BSND: variants seen among roughly 807,000 people sequenced by gnomAD.
BSND encodes barttin.
BSND carries 13 observed loss-of-function variants against 18.8 expected under a neutral mutation model. The ratio of observed to expected loss-of-function variants is 0.69; its 90% CI spans 0.45 to 1.10. The LOEUF (loss-of-function observed/expected upper bound fraction) is 1.10. Among genes scored for constraint, BSND ranks in the 50% least tolerant of loss-of-function variants. The pLI is 0.00. For synonymous variants in BSND, 170 were observed against 161.8 expected, an observed-to-expected ratio of 1.05 and a Z score of -0.39; for missense variants, 379 against 416.7, an observed-to-expected ratio of 0.91 and a Z score of 0.79.
At chr1:55,003,076 C>CAAT (rs1644369753) in intron 1 of BSND, among the ~76,000 whole-genome samples, 3 of 636 alleles carry the variant, frequency 4.7e-3, no homozygotes, top group African/African-American at 0.014. Flanking sequence ...ATGATGGTGA[C>CAAT]GGTGATGATG....
intron 1 of BSND, among the ~76,000 whole-genome samples, chr1:55,003,408 A>T (rs1198532461): frequency 2.0e-5 from 3 of 151,752 alleles, no homozygotes; most frequent in East Asian, 1.9e-4. Context: ...TAATTTTTTT[A>T]TTTTTTTTGT....
chr1:55,000,531 T>C (rs1039499366), intron 1 of BSND, among the ~76,000 whole-genome samples: 2 of 152,178 alleles, frequency 1.3e-5, no homozygotes, highest in African/African-American at 2.4e-5. Context: ...CAGGCAGTCC[T>C]CAGCAACCCC....
chr1:55,003,737 T>A (rs1022585523), intron 1 of BSND, among the ~76,000 whole-genome samples: 9 of 152,258 alleles, frequency 5.9e-5, no homozygotes, highest in Non-Finnish European at 1.3e-4. Flanking sequence ...AGTTATGATT[T>A]ACTGAGTAGT....
rs999226776 is a variant in BSND at position 55,014,307 on chromosome 1, A to G, written c.*5679A>G. Among the ~76,000 whole-genome samples the G allele has an allele frequency of 6.6e-6, 1 of 152,216 alleles. No homozygotes were observed. The highest frequency in any genetic ancestry group is 2.4e-5 in the African/African-American group (1 of 41,442). On this transcript the variant is annotated 3_prime_UTR_variant, in exon 4 of 4. Coordinates refer to ENST00000651561, the MANE Select transcript of BSND (RefSeq NM_057176.3). ...TGGAGTAAACAGCGCTGGGTTTGAG[A>G]CTAGGCTTCCCTACTGGCCAGCTCT...
intron 1 of BSND, 79 bp from the exon 2 acceptor site, chr1:55,004,943 G>A: frequency 7.4e-7 from 1 of 1,342,820 alleles, no homozygotes; most frequent in Non-Finnish European, 1.1e-6. Context: ...CTCATGGAGA[G>A]GTTTGCCAAT....
rs1462045590 is a variant in BSND, at chr1:55,013,738, A to G, written c.*5110A>G. The stretch of plus-strand genomic sequence containing the variant: ...CATCTTCCATGACTGCCTATTGCCC[A>G]CAAGATAAAATTCAGATTCCTCAGG... On this transcript the variant is annotated 3_prime_UTR_variant, in exon 4 of 4. Transcript: ENST00000651561. Among the ~76,000 whole-genome samples the G allele has an allele frequency of 6.6e-6, 1 of 152,140 alleles. No homozygotes were observed. The highest frequency in any genetic ancestry group is 1.5e-5 in the Non-Finnish European group (1 of 68,012).
Position 54,999,293 on chromosome 1 carries a change from C to A in BSND, c.107C>A (p.Thr36Asn), listed in dbSNP as rs777656311. 2 of 1,613,978 alleles carry A rather than the reference C, an allele frequency of 1.2e-6. No individual in the cohort carries two copies. The highest frequency in any genetic ancestry group is 1.3e-5 in the African/African-American group (1 of 74,888). Residue 36 changes from threonine to asparagine, a missense_variant, in exon 1 of 4, where the codon ACC (threonine) becomes AAC (asparagine). Transcript: ENST00000651561. Reference protein sequence around the residue: ...MSHDRPQVYGTFYAMGSVMVI... With the variant: ...MSHDRPQVYGNFYAMGSVMVI... The stretch of plus-strand genomic sequence containing the variant: ...CATGATCGGCCCCAGGTCTACGGCA[C>A]CTTCTATGCCATGGGCAGCGTCATG...
chr1:55,011,654 A>G lies in BSND; in HGVS notation c.*3026A>G, dbSNP rs2495510. On this transcript the variant is annotated 3_prime_UTR_variant, in exon 4 of 4. Transcript: ENST00000651561. ...TGTTACTGGATTTGGGCCAGTGCTC[A>G]GTGGCTTGGCGAGGGTTTAAGAAGC... The G allele has an allele frequency of 0.32, 48,561 of 152,128 alleles. 9,419 individuals are homozygous for G. Among genetic ancestry groups the G allele is most frequent in the African/African-American group, 0.54 (22,469 of 41,450 alleles). 9.4% of individuals were successfully genotyped at this position (152,128 alleles called of 1,614,324 possible). A position where few individuals can be genotyped will look rare whatever the true frequency, so the allele number is the denominator to read the frequency against.
chr1:55,008,087 T>C (rs1644400616), intron 3 of BSND, 127 bp from the exon 4 acceptor site: 1 of 759,604 alleles, frequency 1.3e-6, no homozygotes, highest in Non-Finnish European at 2.2e-6. Flanking sequence ...AATTCTGTTA[T>C]TGGGAAGAAA....
chr1:55,015,156 A>G lies in BSND; in HGVS notation c.*6528A>G, dbSNP rs1420647630. 6.6e-6 allele frequency among the ~76,000 whole-genome samples: 1 copy of G among 152,236 alleles called. No homozygotes were observed. The highest frequency in any genetic ancestry group is 1.9e-4 in the East Asian group (1 of 5,204). On this transcript the variant is annotated 3_prime_UTR_variant, in exon 4 of 4. Coordinates refer to ENST00000651561, the MANE Select transcript of BSND (RefSeq NM_057176.3). The stretch of plus-strand genomic sequence containing the variant: ...ATATACTAACAGATACAAAAGGGAA[A>G]GGTGGCACGTATTGGTGGCAAGAAG...
chr1:55,007,443 T>C (rs889865679), intron 3 of BSND, among the ~76,000 whole-genome samples, 171 bp downstream of exon 3: 10 of 152,084 alleles, frequency 6.6e-5, no homozygotes, highest in African/African-American at 2.4e-4. Context: ...GAGTATGGGC[T>C]TGGGAGTCAG....
intron 1 of BSND, among the ~76,000 whole-genome samples, chr1:55,002,757 G>T (rs1281522764): frequency 6.6e-6 from 1 of 152,172 alleles, no homozygotes; most frequent in Admixed American, 6.5e-5. Context: ...GATAATGAGA[G>T]TGCAGTGGGG....
rs1557485392 is a variant in BSND, at chr1:55,007,202, G to T, written c.478G>T (p.Ala160Ser). The T allele has an allele frequency of 1.6e-5, 26 of 1,614,112 alleles. No homozygotes were observed. Among genetic ancestry groups the T allele is most frequent in the Non-Finnish European group, 2.2e-5 (26 of 1,179,954 alleles). ...TGGCGACGTTCAGGCCTGGATGGAGGCTGCCGTGGTCATCCACAAGGGCTC... is the reference window on the plus strand; with the variant it reads ...TGGCGACGTTCAGGCCTGGATGGAGTCTGCCGTGGTCATCCACAAGGGCTC... ...GPGDVQAWME[A>S]AVVIHKGSDE... Residue 160 changes from alanine (A) to serine (S), a missense_variant, in exon 3 of 4, where the codon GCT (alanine) becomes TCT (serine). Physicochemically the swap from Ala to Ser is moderately conservative, Grantham distance 99. Coordinates refer to ENST00000651561, the MANE Select transcript of BSND (RefSeq NM_057176.3).
At chr1:55,005,656 C>T (rs1229827263) in intron 2 of BSND, among the ~76,000 whole-genome samples, 1 of 152,244 alleles carries the variant, frequency 6.6e-6, no homozygotes, top group Non-Finnish European at 1.5e-5. Flanking sequence ...ACCTGACACA[C>T]AGTAGGTCTT....
intron 3 of BSND, among the ~76,000 whole-genome samples, chr1:55,007,854 A>G (rs1644399656): frequency 6.6e-6 from 1 of 152,194 alleles, no homozygotes; most frequent in African/African-American, 2.4e-5. Flanking sequence ...AGGAGCTCTG[A>G]GTCCAATGAG....
Position 55,008,277 on chromosome 1 carries a change from C to T in BSND, c.612C>T (p.Asp204=), listed in dbSNP as rs749981870. ...CCTTCCAAGATGACCTGGACATGGACTCCAGTGAAGGCAGCAGCCCCAATG... is the reference window on the plus strand; with the variant it reads ...CCTTCCAAGATGACCTGGACATGGATTCCAGTGAAGGCAGCAGCCCCAATG... ...LASFQDDLDM[D]SSEGSSPNAS... Residue 204 remains aspartate (D), a synonymous_variant, in exon 4 of 4, where the codon GAC becomes GAT. Transcript: ENST00000651561. 4.3e-6 allele frequency: 7 copies of T among 1,614,218 alleles called. No homozygotes were observed. Among genetic ancestry groups the T allele is most frequent in the Admixed American group, 1.7e-5 (1 of 60,026 alleles).
chr1:55,004,799 T>A (rs942641983), intron 1 of BSND, among the ~76,000 whole-genome samples: 10 of 152,230 alleles, frequency 6.6e-5, no homozygotes, highest in South Asian at 2.1e-4. Context: ...AGATAATAAA[T>A]GTTTGTAGAG....
At chr1:55,006,873 C>G in intron 2 of BSND, 124 bp from the exon 3 acceptor site, 4 of 1,416,928 alleles carry the variant, frequency 2.8e-6, no homozygotes, top group Non-Finnish European at 3.9e-6. Context: ...GGCGCAGTAA[C>G]ATCCCCCAAA....
chr1:55,004,207 C>G (rs1465148227), intron 1 of BSND, among the ~76,000 whole-genome samples: 1 of 152,208 alleles, frequency 6.6e-6, no homozygotes, highest in East Asian at 1.9e-4. Context: ...TATGGATAGA[C>G]TATATTTTGT....
Sources: allele counts gnomAD v4.1 joint callset (sites outside exome capture counted in the v4.1 genomes callset), GRCh38; gene constraint gnomAD v4.1.1; transcripts MANE v1.5; gene names NCBI Gene and HGNC (gene_info 2026-07-23, HGNC 2026-07-21).